The following ZFHX3 variants were observed in gnomAD, a reference collection of about 807,000 sequenced individuals.
ZFHX3 encodes zinc finger homeobox 3, also known as zinc finger homeobox protein 3.
A neutral mutation model predicts 279.1 loss-of-function variants in ZFHX3; 42 were observed. That is an observed-to-expected ratio of 0.15 (90% CI 0.12 to 0.19). The LOEUF is 0.19. ZFHX3 is among the 10% of genes least tolerant of loss of function. The pLI is 1.00. For synonymous variants in ZFHX3, 2,293 were observed against 1,957.8 expected (o/e 1.17, Z -4.52); for missense variants, 4,981 against 4,754.0 (o/e 1.05, Z -1.40).
chr16:72,877,392 T>A (rs560342023), intron 4 of ZFHX3, among the ~76,000 whole-genome samples: 1 of 151,916 alleles, frequency 6.6e-6, no homozygotes, highest in African/African-American at 2.4e-5. Context: ...TGTTACAATA[T>A]CTAATAGTGA....
intron 7 of ZFHX3, among the ~76,000 whole-genome samples, chr16:73,099,728 A>AG (rs1555548297): frequency 0.021 from 3,131 of 146,690 alleles, 63 homozygotes; most frequent in South Asian, 0.079. Context: ...AAAAAAAAAA[A>AG]AGAGAGAGAG....
intron 1 of ZFHX3, among the ~76,000 whole-genome samples, chr16:73,862,084 G>C (rs1470101388): frequency 6.6e-6 from 1 of 152,170 alleles, no homozygotes; most frequent in Non-Finnish European, 1.5e-5. Context: ...TGTTTAGGGA[G>C]AGACCAAGTG....
chr16:73,538,628 C>T (rs1231652885), intron 2 of ZFHX3, among the ~76,000 whole-genome samples: 9 of 152,168 alleles, frequency 5.9e-5, no homozygotes, highest in Non-Finnish European at 1.2e-4. Context: ...ATCTCCCATG[C>T]AAATGGCCTC....
intron 3 of ZFHX3, among the ~76,000 whole-genome samples, chr16:72,936,772 A>C (rs2144324865): frequency 6.6e-6 from 1 of 152,260 alleles, no homozygotes; most frequent in South Asian, 2.1e-4. Context: ...TGAGGTGGAA[A>C]GCCTTTGTGG....
chr16:73,576,967 G>C (rs1461138003), intron 2 of ZFHX3, among the ~76,000 whole-genome samples: 1 of 152,140 alleles, frequency 6.6e-6, no homozygotes, highest in Admixed American at 6.5e-5. Flanking sequence ...GGATCTTTTA[G>C]TTAGATCTAG....
intron 3 of ZFHX3, among the ~76,000 whole-genome samples, chr16:73,352,458 C>A (rs981507039): frequency 8.3e-5 from 8 of 96,686 alleles, no homozygotes; most frequent in Admixed American, 7.8e-4. Context: ...CCTTTGGTTT[C>A]TCTCTCTCTC....
intron 3 of ZFHX3, among the ~76,000 whole-genome samples, chr16:72,912,135 C>G (rs1236284311): frequency 2.0e-5 from 3 of 152,212 alleles, no homozygotes; most frequent in African/African-American, 7.2e-5. Flanking sequence ...CATGGCCATG[C>G]AGCCCAGACG....
At chr16:73,580,550 T>A (rs1001888475) in intron 2 of ZFHX3, among the ~76,000 whole-genome samples, 2 of 150,990 alleles carry the variant, frequency 1.3e-5, no homozygotes, top group African/African-American at 2.4e-5. Context: ...TAACTGGGAC[T>A]ATCTAGTTAC....
chr16:73,051,341 T>C (rs1433801557), upstream of ZFHX3, among the ~76,000 whole-genome samples: 2 of 152,182 alleles, frequency 1.3e-5, no homozygotes. Context: ...CACCCCATGA[T>C]TTTGAGGCAG....
chr16:72,937,296 G>A (rs1305945777), intron 3 of ZFHX3, among the ~76,000 whole-genome samples: 3 of 152,170 alleles, frequency 2.0e-5, no homozygotes, highest in African/African-American at 7.2e-5. Context: ...AAAAAAGAAG[G>A]GGCTCTGGGA....
At chr16:73,315,330 T>C (rs1262923038) in intron 4 of ZFHX3, among the ~76,000 whole-genome samples, 1 of 152,228 alleles carries the variant, frequency 6.6e-6, no homozygotes, top group African/African-American at 2.4e-5. Context: ...ACTCACGTTG[T>C]TGCCTTTTCA....
intron 1 of ZFHX3, among the ~76,000 whole-genome samples, chr16:73,864,855 C>T (rs1338355610): frequency 6.6e-6 from 1 of 152,266 alleles, no homozygotes. Context: ...TGGCCACATA[C>T]TCATTGCAGC....
intron 1 of ZFHX3, chr16:73,816,075 A>C (rs1191930903): frequency 6.6e-6 from 1 of 152,196 alleles, no homozygotes; most frequent in Non-Finnish European, 1.5e-5. Context: ...GAGACCTGGA[A>C]TATGGATCTA....
At chr16:73,035,789 A>G (rs1022632458) in intron 1 of ZFHX3, among the ~76,000 whole-genome samples, 7 of 152,368 alleles carry the variant, frequency 4.6e-5, no homozygotes, top group African/African-American at 1.4e-4. Flanking sequence ...TGGTAGTCCC[A>G]GCTACTCGGG....
At chr16:72,885,477 G>A (rs2038600833) in intron 4 of ZFHX3, among the ~76,000 whole-genome samples, 3 of 152,232 alleles carry the variant, frequency 2.0e-5, no homozygotes, top group African/African-American at 7.2e-5. Flanking sequence ...TGGGTTGGCA[G>A]GCTACATGAT....
intron 1 of ZFHX3, among the ~76,000 whole-genome samples, chr16:72,961,825 C>T (rs778178645): frequency 2.6e-5 from 4 of 152,134 alleles, no homozygotes; most frequent in African/African-American, 9.7e-5. Context: ...GATTTTGCAA[C>T]CACAAAGTTC....
chr16:72,796,771 T>G lies in ZFHX3; in HGVS notation c.5911A>C (p.Asn1971His), dbSNP rs369281808. ...TTCTCTCCCTGGTCAGTCTTCCCAT[T>G]CTTTTTCTGCACCTTCTGCTTGTTC... ...NENKQKVQKKNGKTDQGENLE... is the reference protein window; with the variant it reads ...NENKQKVQKKHGKTDQGENLE... The change falls in exon 9 of 10, where the codon AAT becomes CAT. Residue 1971 changes from asparagine to histidine, a missense_variant. Coordinates refer to ENST00000268489, the MANE Select transcript of ZFHX3 (RefSeq NM_006885.4). 6.2e-7 allele frequency: 1 copy of G among 1,613,466 alleles called. No individual in the cohort carries two copies. The highest frequency in any genetic ancestry group is 1.3e-5 in the African/African-American group (1 of 74,718).
chr16:73,065,014 G>T (rs1446762455), intron 8 of ZFHX3, among the ~76,000 whole-genome samples: 1 of 152,264 alleles, frequency 6.6e-6, no homozygotes, highest in Non-Finnish European at 1.5e-5. Context: ...GAGGGCAAGA[G>T]ACCCTCGGTC....
intron 1 of ZFHX3, among the ~76,000 whole-genome samples, chr16:73,863,563 G>A (rs887121109): frequency 2.6e-5 from 4 of 152,194 alleles, no homozygotes; most frequent in Non-Finnish European, 4.4e-5. Flanking sequence ...AAAGACATAC[G>A]GTGATGGTGA....
Sources: gnomAD v4.1 joint callset for allele counts (sites outside exome capture counted in the v4.1 genomes callset) on GRCh38, gnomAD v4.1.1 for gene constraint, MANE v1.5 for transcripts, NCBI Gene and HGNC (gene_info 2026-07-23, HGNC 2026-07-21) for gene names.